Variants in TSPAN15 observed in about 807,000 individuals in gnomAD.
TSPAN15 encodes tetraspanin-15.
In TSPAN15, 20 loss-of-function variants were observed where a neutral mutation model predicts 34.5. That is an observed-to-expected ratio of 0.58 (90% CI 0.41 to 0.84). TSPAN15 has a LOEUF of 0.84. TSPAN15 is among the 40% of genes least tolerant of loss of function. The pLI is 0.00. For synonymous variants in TSPAN15, 155 were observed against 153.9 expected, an observed-to-expected ratio of 1.01 and a Z score of -0.05; for missense variants, 313 against 386.1, an observed-to-expected ratio of 0.81 and a Z score of 1.59.
At chr10:69,490,098 AT>A (rs1421525768) in intron 3 of TSPAN15, among the ~76,000 whole-genome samples, 2 of 152,088 alleles carry the variant, frequency 1.3e-5, no homozygotes, top group Non-Finnish European at 2.9e-5. Context: ...ATCAGTGGGC[AT>A]TGTGGTCCTA....
At chr10:69,499,289 C>A (rs191841186) in intron 5 of TSPAN15, among the ~76,000 whole-genome samples, 1 of 152,180 alleles carries the variant, frequency 6.6e-6, no homozygotes, top group African/African-American at 2.4e-5. Context: ...TGAGCAGCTG[C>A]GGGTGGGGGC....
chr10:69,511,490 G>A (rs981590814), downstream of TSPAN15, among the ~76,000 whole-genome samples: 1 of 151,966 alleles, frequency 6.6e-6, no homozygotes, highest in Non-Finnish European at 1.5e-5. Flanking sequence ...AGTCTTGCTA[G>A]CGGTCTATTT....
At chr10:69,501,967 A>G (rs1187753548) in intron 5 of TSPAN15, among the ~76,000 whole-genome samples, 2 of 151,988 alleles carry the variant, frequency 1.3e-5, no homozygotes, top group Admixed American at 6.6e-5. Flanking sequence ...TCCCGACACC[A>G]TCACCCCCCA....
chr10:69,485,285 G>C (rs1841828738), intron 3 of TSPAN15, 70 bp downstream of exon 3: 1 of 1,358,216 alleles, frequency 7.4e-7, no homozygotes, highest in African/African-American at 1.4e-5. Context: ...TGGGCTAACT[G>C]GGGGTATGGC....
intron 1 of TSPAN15, among the ~76,000 whole-genome samples, chr10:69,465,324 C>T (rs143625968): frequency 1.7e-3 from 259 of 152,304 alleles, no homozygotes; most frequent in African/African-American, 6.0e-3. Context: ...GACCCACAGA[C>T]CCTGAGATGG....
At chr10:69,459,435 G>A (rs10823381) in intron 1 of TSPAN15, among the ~76,000 whole-genome samples, 60,601 of 151,902 alleles carry the variant, frequency 0.4, 12,598 homozygotes, top group Non-Finnish European at 0.45. Context: ...AGGGATGGGC[G>A]TTTCCACTTT....
chr10:69,534,638 G>A, the TSPAN15 span, among the ~76,000 whole-genome samples: 1 of 151,966 alleles, frequency 6.6e-6, no homozygotes, highest in Non-Finnish European at 1.5e-5. Context: ...AGAATTCTTG[G>A]CATGGAAGAA....
the TSPAN15 span, among the ~76,000 whole-genome samples, chr10:69,520,472 A>T: frequency 2.6e-5 from 4 of 152,184 alleles, no homozygotes; most frequent in African/African-American, 9.7e-5. Context: ...GGCCTGGGCA[A>T]CATAGGGGAC....
chr10:69,514,932 C>T, the TSPAN15 span, among the ~76,000 whole-genome samples: 7 of 152,222 alleles, frequency 4.6e-5, no homozygotes, highest in African/African-American at 1.4e-4. Context: ...TGTCTGTCCT[C>T]TCTGTTTCTG....
the TSPAN15 span, among the ~76,000 whole-genome samples, chr10:69,545,758 T>C: frequency 0.9 from 136,652 of 152,190 alleles, 61,600 homozygotes; most frequent in East Asian, 0.97. Context: ...AGTTCGAGAC[T>C]AGCCTGGCCA....
chr10:69,515,105 A>G, the TSPAN15 span, among the ~76,000 whole-genome samples: 1 of 152,130 alleles, frequency 6.6e-6, no homozygotes, highest in Non-Finnish European at 1.5e-5. Context: ...TGGCCAGTTG[A>G]TCATTCTCTC....
At chr10:69,518,702 G>A in the TSPAN15 span, among the ~76,000 whole-genome samples, 4,363 of 152,256 alleles carry the variant, frequency 0.029, 201 homozygotes, top group African/African-American at 0.1. Flanking sequence ...GATTACAGGC[G>A]TGAGCCACCG....
the TSPAN15 span, among the ~76,000 whole-genome samples, chr10:69,527,099 A>G: frequency 2.7e-5 from 4 of 148,152 alleles, 1 homozygote; most frequent in African/African-American, 7.4e-5. Flanking sequence ...ACAAATGGAT[A>G]AATAAGTTGT....
In TSPAN15 at chr10:69,495,590, A is replaced by G. The variant is rs1339902939; in HGVS notation, c.358-4A>G. 11 of 1,608,278 alleles carry G rather than the reference A, an allele frequency of 6.8e-6. No individual in the cohort carries two copies. The African/African-American group carries it at 1.2e-4, about 18-fold the overall frequency. On this transcript the variant is annotated splice_region_variant and splice_polypyrimidine_tract_variant and intron_variant, in intron 3 of 7. Coordinates refer to ENST00000373290, the MANE Select transcript of TSPAN15 (RefSeq NM_012339.5). The stretch of plus-strand genomic sequence containing the variant: ...TTTCCTTTGTAATTTCTCCTTTTGA[A>G]TAGACCATTGACTTCCTGAACGACA...
intron 3 of TSPAN15, chr10:69,494,761 C>G (rs756996131): frequency 2.7e-4 from 268 of 985,314 alleles, no homozygotes; most frequent in Middle Eastern, 5.2e-4. Context: ...GAGAATGCCC[C>G]CTTCGTCCCC....
intron 1 of TSPAN15, among the ~76,000 whole-genome samples, chr10:69,457,261 G>A (rs1841132335): frequency 6.6e-6 from 1 of 152,202 alleles, no homozygotes; most frequent in African/African-American, 2.4e-5. Flanking sequence ...AGGTGCTCAG[G>A]GGAGGCATGT....
At chr10:69,476,381 G>A (rs1353330441) in intron 1 of TSPAN15, among the ~76,000 whole-genome samples, 1 of 152,032 alleles carries the variant, frequency 6.6e-6, no homozygotes, top group Non-Finnish European at 1.5e-5. Context: ...TGATCAATGT[G>A]CTCTGACGTT....
At chr10:69,490,271 T>G (rs536173068) in intron 3 of TSPAN15, among the ~76,000 whole-genome samples, 1 of 152,296 alleles carries the variant, frequency 6.6e-6, no homozygotes, top group African/African-American at 2.4e-5. Flanking sequence ...AAGTTTTCCC[T>G]TGGTGTCCGA....
At chr10:69,530,798 CTCTCTCTCTCTCTCTCTCTCTCTATATA>C in the TSPAN15 span, among the ~76,000 whole-genome samples, 3 of 62,408 alleles carry the variant, frequency 4.8e-5, no homozygotes, top group Non-Finnish European at 9.3e-5. Flanking sequence ...CTCTCTCTCT[CTCTCTCTCTCTCTCTCTCTCTCTATATA>C]TATATATATA....
Sources: allele counts gnomAD v4.1 joint callset (sites outside exome capture counted in the v4.1 genomes callset), GRCh38; gene constraint gnomAD v4.1.1; transcripts MANE v1.5; gene names NCBI Gene and HGNC (gene_info 2026-07-23, HGNC 2026-07-21).